Variants in BCAT1 observed in about 807,000 individuals in gnomAD.
The protein encoded by BCAT1 is branched-chain-amino-acid aminotransferase, cytosolic.
BCAT1 carries 48 observed loss-of-function variants against 52.4 expected under a neutral mutation model. The ratio of observed to expected loss-of-function variants is 0.92; its 90% CI spans 0.73 to 1.16. The LOEUF (loss-of-function observed/expected upper bound fraction) is 1.16. Among genes scored for constraint, BCAT1 ranks in the 50% most tolerant of loss-of-function variants. The probability of loss-of-function intolerance (pLI) is 0.00; values close to 1 mark genes in which losing one functional copy is unlikely to be tolerated. For synonymous variants in BCAT1, 167 were observed against 161.3 expected, an observed-to-expected ratio of 1.04 and a Z score of -0.27; for missense variants, 451 against 457.1, an observed-to-expected ratio of 0.99 and a Z score of 0.12.
At chr12:24,856,997 T>C (rs1384851262) in intron 5 of BCAT1, among the ~76,000 whole-genome samples, 1 of 152,202 alleles carries the variant, frequency 6.6e-6, no homozygotes, top group Non-Finnish European at 1.5e-5. Flanking sequence ...AAAAATTATC[T>C]TGAGCAGTTA....
intron 1 of BCAT1, among the ~76,000 whole-genome samples, chr12:24,920,501 C>G (rs1405363151): frequency 6.6e-6 from 1 of 152,114 alleles, no homozygotes; most frequent in Non-Finnish European, 1.5e-5. Flanking sequence ...GTTTCTACCA[C>G]TATACTAAGA....
At chr12:24,922,380 C>G (rs1486397253) in intron 1 of BCAT1, among the ~76,000 whole-genome samples, 1 of 152,116 alleles carries the variant, frequency 6.6e-6, no homozygotes, top group African/African-American at 2.4e-5. Flanking sequence ...TAATAACCAC[C>G]CACTGTATGA....
intron 1 of BCAT1, among the ~76,000 whole-genome samples, chr12:24,932,924 G>T (rs1943697168): frequency 6.6e-6 from 1 of 152,096 alleles, no homozygotes; most frequent in Admixed American, 6.5e-5. Context: ...TGATTCTCCT[G>T]CCTCAGCCTC....
At chr12:24,859,143 C>T (rs1941776953) in intron 5 of BCAT1, among the ~76,000 whole-genome samples, 1 of 152,162 alleles carries the variant, frequency 6.6e-6, no homozygotes, top group Admixed American at 6.5e-5. Flanking sequence ...ACAAGGTTTT[C>T]TTAAGAATTG....
At chr12:24,917,795 CA>C (rs1943441940) in intron 1 of BCAT1, among the ~76,000 whole-genome samples, 1 of 152,154 alleles carries the variant, frequency 6.6e-6, no homozygotes, top group Non-Finnish European at 1.5e-5. Flanking sequence ...GTTGTTCTGA[CA>C]GAGAGAGGGA....
At position 24,832,730 on chromosome 12, in the gene BCAT1, T is replaced by C. The variant is rs761278929; in HGVS notation, c.1037A>G (p.Lys346Arg). 6.2e-7 allele frequency: 1 copy of C among 1,609,920 alleles called. No homozygotes were observed. The highest frequency in any genetic ancestry group is 8.5e-7 in the Non-Finnish European group (1 of 1,178,016). Residue 346 changes from lysine to arginine, a missense_variant, in exon 9 of 11, where the codon AAA becomes AGA. Lys to Arg is a conservative substitution (Grantham distance 26). Transcript: ENST00000261192. ...VVCPVSDILYKGETIHIPTME... is the reference protein window; with the variant it reads ...VVCPVSDILYRGETIHIPTME... ...AGGAAATACTTGTCGTACCTCGCCTTTGTACAGTATATCAGAAACTGGGCA... is the reference window on the plus strand; with the variant it reads ...AGGAAATACTTGTCGTACCTCGCCTCTGTACAGTATATCAGAAACTGGGCA...
At chr12:24,860,075 CT>C (rs1941812245) in intron 5 of BCAT1, among the ~76,000 whole-genome samples, 1 of 152,190 alleles carries the variant, frequency 6.6e-6, no homozygotes, top group African/African-American at 2.4e-5. Flanking sequence ...TCAATTGTGT[CT>C]TTAACCACGG....
At chr12:24,859,773 C>G (rs1228320384) in intron 5 of BCAT1, among the ~76,000 whole-genome samples, 1 of 152,020 alleles carries the variant, frequency 6.6e-6, no homozygotes, top group Non-Finnish European at 1.5e-5. Flanking sequence ...AAATCAAATT[C>G]TATATTATGC....
chr12:24,934,239 T>G (rs753857853), intron 1 of BCAT1, among the ~76,000 whole-genome samples: 6 of 152,232 alleles, frequency 3.9e-5, no homozygotes, highest in Non-Finnish European at 5.9e-5. Flanking sequence ...CACTTCTCCC[T>G]TCTCACTGTG....
Position 24,949,084 on chromosome 12 carries a change from C to T in BCAT1, c.-152G>A, listed in dbSNP as rs924920734. ...AGTGCCCGAGGCGGCGGCGAGTACACGTGGCGGGCTGGATTGCAGACCGGC... is the reference window on the plus strand; with the variant it reads ...AGTGCCCGAGGCGGCGGCGAGTACATGTGGCGGGCTGGATTGCAGACCGGC... On this transcript the variant is annotated 5_prime_UTR_variant, in exon 1 of 11. It adds an upstream start codon to the 5' untranslated region. Transcript: ENST00000261192. The T allele has an allele frequency of 4.4e-5, 31 of 701,700 alleles. No homozygotes were observed. The highest frequency in any genetic ancestry group is 5.8e-5 in the East Asian group (2 of 34,764). The allele number at this position is 701,700 out of a possible 1,614,324, so 43.5% of individuals were successfully genotyped here.
intron 5 of BCAT1, among the ~76,000 whole-genome samples, chr12:24,870,979 C>T (rs1481587098): frequency 1.3e-5 from 2 of 151,820 alleles, no homozygotes; most frequent in African/African-American, 4.8e-5. Context: ...GCTGAGATCA[C>T]ACAACTGCAC....
intron 7 of BCAT1, among the ~76,000 whole-genome samples, chr12:24,837,529 T>A (rs1941033189): frequency 6.7e-6 from 1 of 150,134 alleles, no homozygotes. Flanking sequence ...CAGGGTCAAG[T>A]GATTCTCCTG....
intron 3 of BCAT1, among the ~76,000 whole-genome samples, chr12:24,887,080 A>AAAAATAT (rs1245203518): frequency 1.2e-4 from 5 of 40,746 alleles, no homozygotes; most frequent in Non-Finnish European, 1.6e-4. Context: ...AAAAAAAAAA[A>AAAAATAT]ATATATATAT....
chr12:24,876,701 A>G (rs965120251), intron 5 of BCAT1, among the ~76,000 whole-genome samples: 3 of 152,212 alleles, frequency 2.0e-5, no homozygotes, highest in Admixed American at 6.5e-5. Flanking sequence ...TAAAAATAAT[A>G]TTAAAAGAAA....
chr12:24,891,271 C>T (rs1170580099), intron 3 of BCAT1, among the ~76,000 whole-genome samples: 4 of 152,120 alleles, frequency 2.6e-5, no homozygotes. Context: ...TTGAGTTTTG[C>T]AGCCCAGATG....
At position 24,829,998 on chromosome 12, in the gene BCAT1, T is replaced by C. The variant is rs561060615; in HGVS notation, c.1045-101A>G. 1.6e-5 allele frequency: 13 copies of C among 809,216 alleles called. No homozygotes were observed. The South Asian group carries it at 2.5e-4, about 15-fold the overall frequency. The allele number at this position is 809,216 out of a possible 1,614,324, so 50.1% of individuals were successfully genotyped here. A position where few individuals can be genotyped will look rare whatever the true frequency, so the allele number is the denominator to read the frequency against. On this transcript the variant is annotated intron_variant, in intron 9 of 10. Coordinates refer to ENST00000261192, the MANE Select transcript of BCAT1 (RefSeq NM_005504.7). ...TTCTGCTATACTAAGGCAATTCCAC[T>C]GAAGTTAAGGAATAGCACTAAAACC...
At chr12:24,949,340 C>T (rs921508559), upstream of BCAT1, 3 of 238,948 alleles carry the variant, frequency 1.3e-5, no homozygotes, top group East Asian at 1.0e-4. Context: ...GGTGCGTATC[C>T]GAGTGTGGGG....
chr12:24,944,006 A>T (rs558901095), intron 1 of BCAT1, among the ~76,000 whole-genome samples: 9 of 151,634 alleles, frequency 5.9e-5, no homozygotes, highest in Non-Finnish European at 1.3e-4. Context: ...AAAAAAAAGT[A>T]GTTTGCATGG....
At chr12:24,933,774 T>C (rs370623026) in intron 1 of BCAT1, among the ~76,000 whole-genome samples, 1 of 151,872 alleles carries the variant, frequency 6.6e-6, no homozygotes, top group African/African-American at 2.4e-5. Context: ...CTCTCTCTAA[T>C]GAGAGAGAGG....
Sources: allele counts gnomAD v4.1 joint callset (sites outside exome capture counted in the v4.1 genomes callset), GRCh38; gene constraint gnomAD v4.1.1; transcripts MANE v1.5; gene names NCBI Gene and HGNC (gene_info 2026-07-23, HGNC 2026-07-21).